The following PCDHA2 variants were observed in gnomAD, a reference collection of about 807,000 sequenced individuals.
The protein encoded by PCDHA2 is protocadherin alpha 2, also known as protocadherin alpha-2.
A neutral mutation model predicts 66.0 loss-of-function variants in PCDHA2; 58 were observed. That is an observed-to-expected ratio of 0.88 (90% CI 0.71 to 1.09). PCDHA2 has a LOEUF of 1.09. PCDHA2 is among the 50% of genes least tolerant of loss of function. The probability of loss-of-function intolerance (pLI) is 0.00; values close to 1 mark genes in which losing one functional copy is unlikely to be tolerated. For missense variants in PCDHA2, 1,267 were observed against 1,242.3 expected (o/e 1.02, Z -0.30); for synonymous variants, 634 against 554.0 (o/e 1.14, Z -2.03).
intron 1 of PCDHA2, chr5:140,866,939 C>A (rs2049664187): frequency 6.6e-6 from 1 of 152,126 alleles, no homozygotes; most frequent in Admixed American, 6.6e-5. Context: ...ATAATCTCTT[C>A]ACTAGGGGCT....
At chr5:140,958,620 T>C (rs1260968586) in intron 1 of PCDHA2, among the ~76,000 whole-genome samples, 1 of 152,132 alleles carries the variant, frequency 6.6e-6, no homozygotes, top group African/African-American at 2.4e-5. Flanking sequence ...CTAGTCCAGC[T>C]TGAGAGTACT....
Position 140,856,345 on chromosome 5 carries a change from G to C in PCDHA2, c.2388+58993G>C, listed in dbSNP as rs1347690443. The C allele has an allele frequency of 8.8e-6, 14 of 1,598,640 alleles. 1 individual carries two copies. The highest frequency in any genetic ancestry group is 1.2e-5 in the Non-Finnish European group (14 of 1,168,012). ...GCGAGGAGCTGTGCGGGCGGAGCGT[G>C]GAGTGCAGCATCCACCTGGAGGTGA... is the stretch of plus-strand genomic sequence containing the variant. On this transcript the variant is annotated intron_variant, in intron 1 of 3. Transcript: ENST00000526136.
At chr5:140,880,493 T>C (rs910431574) in intron 1 of PCDHA2, among the ~76,000 whole-genome samples, 31 of 152,204 alleles carry the variant, frequency 2.0e-4, no homozygotes, top group African/African-American at 7.2e-4. Context: ...AAGAGAGCAA[T>C]TGAATTTCTG....
chr5:140,980,265 A>G (rs1041506600), intron 2 of PCDHA2, among the ~76,000 whole-genome samples: 1 of 152,258 alleles, frequency 6.6e-6, no homozygotes, highest in Non-Finnish European at 1.5e-5. Flanking sequence ...CATGGTTTAC[A>G]GTACCAACTC....
Position 140,884,686 on chromosome 5 carries a change from G to C in PCDHA2, c.2388+87334G>C, listed in dbSNP as rs376199469. 72 of 1,538,980 alleles carry C rather than the reference G, an allele frequency of 4.7e-5. No homozygotes were observed. The African/African-American group carries it at 8.7e-4, about 19-fold the overall frequency. ...AGGTAAGCTTATATTTTAAAAAATT[G>C]TCTTAGTAAACACTTTAGCCTTCCT... On this transcript the variant is annotated intron_variant, in intron 1 of 3. Transcript: ENST00000526136.
At chr5:140,857,652 G>A in intron 1 of PCDHA2, 4 of 1,596,610 alleles carry the variant, frequency 2.5e-6, no homozygotes, top group Admixed American at 1.7e-5. Context: ...TTCCAGGTGA[G>A]CGCGCGCGAT....
chr5:140,797,208 G>A lies in PCDHA2; in HGVS notation c.2244G>A (p.Trp748Ter). ...TGTGCTCCAGCGCCGTGGGGAGCTG[G>A]TCTTACTCGCAGCAGAGGCGGCAGA... Reference protein sequence around the residue: ...TLVCSSAVGSWSYSQQRRQRV... With the variant: ...TLVCSSAVGS Residue 748 changes from tryptophan to a stop codon, truncating the protein, a stop_gained, in exon 1 of 4, where the codon TGG (tryptophan) becomes TGA (stop). Transcript: ENST00000526136. LOFTEE classifies it high-confidence loss of function. 3.1e-6 allele frequency: 5 copies of A among 1,614,198 alleles called. No homozygotes were observed. The highest frequency in any genetic ancestry group is 4.2e-6 in the Non-Finnish European group (5 of 1,180,048).
rs370307660 is a variant in PCDHA2 at position 140,924,901 on chromosome 5, A to T, written c.2389-54048A>T. On this transcript the variant is annotated intron_variant, in intron 1 of 3. Transcript: ENST00000526136. The stretch of plus-strand genomic sequence containing the variant: ...CAGAGCAAGAACCTGTCTCAAAAAA[A>T]AAAATAAAATAAAATAAAATAAAAT... Among the ~76,000 whole-genome samples, 368 of 80,482 alleles carry T rather than the reference A, an allele frequency of 4.6e-3. 1 individual carries two copies. Among genetic ancestry groups the T allele is most frequent in the East Asian group, 9.1e-3 (17 of 1,868 alleles). The allele number at this position is 80,482 out of a possible 152,430, so 52.8% of individuals were successfully genotyped here. A position where few individuals can be genotyped will look rare whatever the true frequency, so the allele number is the denominator to read the frequency against.
chr5:140,915,882 C>T lies in PCDHA2; in HGVS notation c.2389-63067C>T, dbSNP rs181276676. Among the ~76,000 whole-genome samples, 3 of 152,314 alleles carry T rather than the reference C, an allele frequency of 2.0e-5. No homozygotes were observed. In the East Asian group the frequency reaches 5.8e-4, roughly 29 times the overall value. ...GTTTGCATCCTTCCCTTTAGGGTAG[C>T]AAGTTCCCCCTGGCCCTGGGCAGGC... On this transcript the variant is annotated intron_variant, in intron 1 of 3. Coordinates refer to ENST00000526136, the MANE Select transcript of PCDHA2 (RefSeq NM_018905.3).
At chr5:140,842,314 G>A (rs1777869139) in intron 1 of PCDHA2, 6 of 1,607,200 alleles carry the variant, frequency 3.7e-6, no homozygotes, top group Non-Finnish European at 5.1e-6. Flanking sequence ...CTCCCATGGC[G>A]GGTCATTGCA....
At position 140,795,912 on chromosome 5, in the gene PCDHA2, C is replaced by G. The variant is rs138543529; in HGVS notation, c.948C>G (p.Tyr316Ter). ...GKLDYEEAKS[Y>*]EIQVTATDKG... Reference sequence around the variant, plus strand: ...TAGATTATGAAGAAGCAAAGTCCTACGAGATTCAGGTCACTGCAACTGACA... The same window carrying G: ...TAGATTATGAAGAAGCAAAGTCCTAGGAGATTCAGGTCACTGCAACTGACA... The change falls in exon 1 of 4, where the codon TAC becomes TAG. Residue 316 changes from tyrosine (Y) to a stop codon, truncating the protein, a stop_gained. Transcript: ENST00000526136. LOFTEE classifies it high-confidence loss of function. 294 of 1,613,672 alleles carry G rather than the reference C, an allele frequency of 1.8e-4. 1 individual carries two copies. The highest frequency in any genetic ancestry group is 2.5e-4 in the Non-Finnish European group (290 of 1,179,774).
At chr5:140,802,994 A>C in intron 1 of PCDHA2, 1 of 1,614,016 alleles carries the variant, frequency 6.2e-7, no homozygotes, top group Non-Finnish European at 8.5e-7. Context: ...CAGTGGATGC[A>C]GACTCAGGCT....
intron 1 of PCDHA2, among the ~76,000 whole-genome samples, chr5:140,935,894 CTTTTTTTT>C (rs55841305): frequency 1.5e-5 from 2 of 136,750 alleles, no homozygotes; most frequent in African/African-American, 5.4e-5. Context: ...TCAATATTAT[CTTTTTTTT>C]TTTTTTTTGA....
rs2153793513 is a variant in PCDHA2, at chr5:140,972,346, C to T, written c.2389-6603C>T. Among the ~76,000 whole-genome samples, 6 of 151,468 alleles carry T rather than the reference C, an allele frequency of 4.0e-5. No homozygotes were observed. In the Middle Eastern group the frequency reaches 0.014, roughly 346 times the overall value. The stretch of plus-strand genomic sequence containing the variant: ...TTTTTTTTGGAAGAGATGGGGGTCT[C>T]ACTATGTTGCACATGCTGTTAGTAT... On this transcript the variant is annotated intron_variant, in intron 1 of 3. Transcript: ENST00000526136.
At chr5:140,817,411 G>T (rs1366337221) in intron 1 of PCDHA2, 1 of 152,234 alleles carries the variant, frequency 6.6e-6, no homozygotes, top group Admixed American at 6.5e-5. Flanking sequence ...TTGTTGTTGA[G>T]TTGGTATACC....
intron 1 of PCDHA2, chr5:140,877,398 T>C: frequency 1.2e-6 from 2 of 1,613,870 alleles, no homozygotes; most frequent in Middle Eastern, 1.6e-4. Flanking sequence ...AGGCGGACGC[T>C]CCGCGCCACC....
chr5:140,863,415 C>T (rs782613716), intron 1 of PCDHA2: 2 of 737,502 alleles, frequency 2.7e-6, no homozygotes, highest in Admixed American at 1.9e-5. Flanking sequence ...CGCTGGTGTA[C>T]CGCAGCGTAG....
In PCDHA2 at chr5:140,870,085, C is replaced by G. The variant is rs200687541; in HGVS notation, c.2388+72733C>G. The stretch of plus-strand genomic sequence containing the variant: ...ACAGGCTACAGATAAGGGGACTCCC[C>G]CAATGGCAGGTCACTGTACAGTCTG... On this transcript the variant is annotated intron_variant, in intron 1 of 3. Coordinates refer to ENST00000526136, the MANE Select transcript of PCDHA2 (RefSeq NM_018905.3). 11 of 1,613,744 alleles carry G rather than the reference C, an allele frequency of 6.8e-6. No individual in the cohort carries two copies. The African/African-American group carries it at 1.3e-4, about 20-fold the overall frequency.
intron 1 of PCDHA2, chr5:140,858,002 G>C (rs782820218): frequency 6.3e-7 from 1 of 1,596,914 alleles, no homozygotes; most frequent in Admixed American, 1.7e-5. Flanking sequence ...GCTGGTGAAG[G>C]ACCATGGCGA....
Sources: allele counts gnomAD v4.1 joint callset (sites outside exome capture counted in the v4.1 genomes callset), GRCh38; gene constraint gnomAD v4.1.1; transcripts MANE v1.5; gene names NCBI Gene and HGNC (gene_info 2026-07-23, HGNC 2026-07-21).